MSMB: variants seen among roughly 807,000 people sequenced by gnomAD.
MSMB encodes the protein microseminoprotein beta, also known as beta-microseminoprotein.
Under a neutral mutation model 10.5 loss-of-function variants are expected in MSMB, and 10 were observed. That is an observed-to-expected ratio of 0.95 (90% CI 0.59 to 1.62). The LOEUF is 1.62. Among genes scored for constraint, MSMB ranks in the 40% most tolerant of loss-of-function variants. The pLI, the probability that MSMB is intolerant of heterozygous loss-of-function variation, is 0.00. For missense variants in MSMB, 126 were observed against 137.4 expected (o/e 0.92, Z 0.42); for synonymous variants, 43 against 46.5 (o/e 0.93, Z 0.30).
intron 3 of MSMB, among the ~76,000 whole-genome samples, chr10:46,034,910 G>A (rs1840565919): frequency 6.6e-6 from 1 of 152,024 alleles, no homozygotes; most frequent in South Asian, 2.1e-4. Flanking sequence ...GGGCTGAGGT[G>A]AGACAACAGC....
chr10:46,045,405 G>A (rs573133771), intron 1 of MSMB, among the ~76,000 whole-genome samples: 1 of 152,062 alleles, frequency 6.6e-6, no homozygotes, highest in Non-Finnish European at 1.5e-5. Flanking sequence ...GGTGGCACTC[G>A]CCTGTGGTCC....
At chr10:46,036,247 G>C (rs1447034528) in intron 3 of MSMB, among the ~76,000 whole-genome samples, 1 of 152,220 alleles carries the variant, frequency 6.6e-6, no homozygotes, top group African/African-American at 2.4e-5. Flanking sequence ...TCTGGGCAGC[G>C]TCCCATAGAG....
chr10:46,044,040 C>T lies in MSMB; in HGVS notation c.3+2195G>A, dbSNP rs146649174. 2.6e-3 allele frequency among the ~76,000 whole-genome samples: 392 copies of T among 152,284 alleles called. 2 individuals are homozygous for T. The highest frequency in any genetic ancestry group is 9.1e-3 in the African/African-American group (379 of 41,568). ...GTCTTTAGACTTACACGGAAGCTCC[C>T]AGGTGATGCCCACGCTGCTGGTCTG... On this transcript the variant is annotated intron_variant, in intron 1 of 3. Coordinates refer to ENST00000582163, the MANE Select transcript of MSMB (RefSeq NM_002443.4).
chr10:46,035,494 TA>T (rs1840580050), intron 3 of MSMB, among the ~76,000 whole-genome samples: 1 of 152,232 alleles, frequency 6.6e-6, no homozygotes. Context: ...GAAGTACTGA[TA>T]CATGCTACAA....
At chr10:46,044,493 G>T (rs1398116730) in intron 1 of MSMB, among the ~76,000 whole-genome samples, 11 of 147,028 alleles carry the variant, frequency 7.5e-5, no homozygotes, top group Non-Finnish European at 1.6e-4. Flanking sequence ...GGAGAATGGC[G>T]TGAACCCGGG....
intron 3 of MSMB, among the ~76,000 whole-genome samples, chr10:46,034,218 T>C (rs1039379342): frequency 1.3e-5 from 2 of 152,122 alleles, no homozygotes; most frequent in South Asian, 4.2e-4. Flanking sequence ...GTTTAAGCGA[T>C]TCTCCTGCCT....
At chr10:46,039,200 A>C in intron 2 of MSMB, 129 bp from the exon 3 acceptor site, 2 of 762,746 alleles carry the variant, frequency 2.6e-6, no homozygotes, top group Admixed American at 2.2e-5. Context: ...TTTTAAAGGT[A>C]TCTAAGAATG....
chr10:46,037,427 G>C lies in MSMB; in HGVS notation c.215+1539C>G, dbSNP rs532399510. 1.1e-4 allele frequency among the ~76,000 whole-genome samples: 16 copies of C among 152,314 alleles called. No individual in the cohort carries two copies. In the East Asian group the frequency reaches 3.1e-3, roughly 29 times the overall value. On this transcript the variant is annotated intron_variant, in intron 3 of 3. Coordinates refer to ENST00000582163, the MANE Select transcript of MSMB (RefSeq NM_002443.4). ...ACATGAAGAGGTTAGATGGATTTGG[G>C]GGGTTGGGAGTTAGGTAGCTGTTAT...
intron 1 of MSMB, among the ~76,000 whole-genome samples, chr10:46,043,793 G>A (rs1011408124): frequency 6.6e-6 from 1 of 152,078 alleles, no homozygotes. Flanking sequence ...TCCTGCCTCA[G>A]CCTCCTGAGT....
intron 3 of MSMB, among the ~76,000 whole-genome samples, chr10:46,036,416 T>G (rs1419112965): frequency 6.6e-6 from 1 of 152,200 alleles, no homozygotes; most frequent in Admixed American, 6.5e-5. Flanking sequence ...GTGTGCCAAA[T>G]GGAACAGGCA....
intron 1 of MSMB, among the ~76,000 whole-genome samples, chr10:46,041,608 A>T (rs1554928634): frequency 6.6e-6 from 1 of 152,154 alleles, no homozygotes; most frequent in African/African-American, 2.4e-5. Flanking sequence ...AGCCTAGGCA[A>T]CATGGTGAAA....
chr10:46,043,209 C>T (rs1260982761), intron 1 of MSMB, among the ~76,000 whole-genome samples: 2 of 152,122 alleles, frequency 1.3e-5, no homozygotes, highest in Non-Finnish European at 2.9e-5. Flanking sequence ...GGAGAGTCAA[C>T]AGGGACAAGC....
intron 1 of MSMB, among the ~76,000 whole-genome samples, chr10:46,042,276 C>T (rs1564936792): frequency 1.3e-5 from 2 of 152,032 alleles, no homozygotes; most frequent in East Asian, 3.8e-4. Context: ...AATAAAGTGG[C>T]ATTTCACACA....
chr10:46,042,538 C>G (rs963668951), intron 1 of MSMB, among the ~76,000 whole-genome samples: 4 of 152,186 alleles, frequency 2.6e-5, no homozygotes, highest in African/African-American at 9.6e-5. Flanking sequence ...CCGTTTACAA[C>G]ATTTGATTTC....
intron 3 of MSMB, among the ~76,000 whole-genome samples, chr10:46,036,842 C>T (rs193193525): frequency 7.2e-5 from 11 of 152,332 alleles, no homozygotes; most frequent in African/African-American, 1.9e-4. Context: ...CAGGGAGCCA[C>T]GCTCCTATGT....
Position 46,041,070 on chromosome 10 carries a change from G to A in MSMB, c.4-979C>T, listed in dbSNP as rs539418932. On this transcript the variant is annotated intron_variant, in intron 1 of 3. Transcript: ENST00000582163. ...AGTAAAAGTTAATTGAGGGCCAGGC[G>A]TGGTGGCTCATGCCTGTAATCCTAG... 7.2e-5 allele frequency among the ~76,000 whole-genome samples: 11 copies of A among 152,232 alleles called. No homozygotes were observed. The South Asian group carries it at 2.1e-3, about 29-fold the overall frequency.
intron 3 of MSMB, 93 bp from the exon 4 acceptor site, chr10:46,033,644 C>T: frequency 6.4e-7 from 1 of 1,555,060 alleles, no homozygotes; most frequent in Non-Finnish European, 8.7e-7. Context: ...GTCACCCACA[C>T]TCCAACTTAA....
chr10:46,039,495 G>A (rs561019290), intron 2 of MSMB, among the ~76,000 whole-genome samples: 5 of 152,144 alleles, frequency 3.3e-5, no homozygotes, highest in Non-Finnish European at 5.9e-5. Flanking sequence ...AACATCTTGG[G>A]TACTTGAAAG....
At position 46,046,258 on chromosome 10, in the gene MSMB, A is replaced by G; in HGVS notation, c.-21T>C. 1 of 1,611,966 alleles carries G rather than the reference A, an allele frequency of 6.2e-7. No individual in the cohort carries two copies. On this transcript the variant is annotated 5_prime_UTR_variant, in exon 1 of 4. Transcript: ENST00000582163. Reference sequence around the variant, plus strand: ...ACCATTGTGATAAGCAGGACTCCTTATAGACAGGTACATCCAGGCAAAGCT... The same window carrying G: ...ACCATTGTGATAAGCAGGACTCCTTGTAGACAGGTACATCCAGGCAAAGCT...
Sources: gnomAD v4.1 joint callset for allele counts (sites outside exome capture counted in the v4.1 genomes callset) on GRCh38, gnomAD v4.1.1 for gene constraint, MANE v1.5 for transcripts, NCBI Gene and HGNC (gene_info 2026-07-23, HGNC 2026-07-21) for gene names.